ROBO1: variants seen among roughly 807,000 people sequenced by gnomAD.
ROBO1 encodes the protein roundabout homolog 1.
ROBO1 carries 149 observed loss-of-function variants against 195.9 expected under a neutral mutation model. The observed-to-expected ratio is 0.76, with a 90% CI of 0.67 to 0.87. The LOEUF is 0.87. Ranked by LOEUF, ROBO1 falls within the 40% of genes least tolerant of loss-of-function variation. The pLI, the probability that ROBO1 is intolerant of heterozygous loss-of-function variation, is 0.00. For missense variants in ROBO1, 1,933 were observed against 2,068.3 expected, an observed-to-expected ratio of 0.93 and a Z score of 1.27; for synonymous variants, 816 against 733.2, an observed-to-expected ratio of 1.11 and a Z score of -1.82.
At chr3:78,957,566 C>A (rs1015165095) in intron 3 of ROBO1, among the ~76,000 whole-genome samples, 4 of 152,058 alleles carry the variant, frequency 2.6e-5, no homozygotes, top group Admixed American at 2.6e-4. Context: ...CAAATGCCTT[C>A]GACAAAAATA....
At chr3:79,489,788 T>C (rs1939359494) in intron 2 of ROBO1, among the ~76,000 whole-genome samples, 1 of 152,226 alleles carries the variant, frequency 6.6e-6, no homozygotes, top group Admixed American at 6.5e-5. Flanking sequence ...GCTGTCTTTT[T>C]TTCCCTGATA....
At chr3:79,677,999 A>AT (rs1560092681) in intron 1 of ROBO1, among the ~76,000 whole-genome samples, 2 of 152,122 alleles carry the variant, frequency 1.3e-5, no homozygotes, top group Non-Finnish European at 1.5e-5. Context: ...AGAGTTATAT[A>AT]TGAAATATTT....
intron 27 of ROBO1, among the ~76,000 whole-genome samples, chr3:78,615,165 C>G (rs1016945359): frequency 2.6e-5 from 4 of 152,008 alleles, no homozygotes; most frequent in African/African-American, 9.7e-5. Flanking sequence ...ATAATATAGC[C>G]AATGTTTGTT....
chr3:79,164,748 C>T (rs2081032420), intron 2 of ROBO1, among the ~76,000 whole-genome samples: 1 of 152,124 alleles, frequency 6.6e-6, no homozygotes, highest in Admixed American at 6.5e-5. Flanking sequence ...CTGCCTATTG[C>T]CTCTCTGATC....
chr3:79,431,563 A>C lies in ROBO1; in HGVS notation c.88+158261T>G, dbSNP rs540108629. On this transcript the variant is annotated intron_variant, in intron 2 of 30. Coordinates refer to ENST00000464233, the MANE Select transcript of ROBO1 (RefSeq NM_002941.4). Reference sequence around the variant, plus strand: ...AGAATAAAAGGTGGAAATTAGACAGATTCAGAAGACAAAAACATGGTACAG... The same window carrying C: ...AGAATAAAAGGTGGAAATTAGACAGCTTCAGAAGACAAAAACATGGTACAG... 3.3e-4 allele frequency among the ~76,000 whole-genome samples: 50 copies of C among 152,282 alleles called. 1 individual carries two copies. Among genetic ancestry groups the C allele is most frequent in the Middle Eastern group, 3.4e-3 (1 of 294 alleles).
At chr3:78,802,510 A>G (rs572798241) in intron 4 of ROBO1, among the ~76,000 whole-genome samples, 1 of 152,150 alleles carries the variant, frequency 6.6e-6, no homozygotes, top group Admixed American at 6.5e-5. Context: ...TATGTAACCA[A>G]GATACATCTA....
chr3:79,633,121 C>T (rs969752512), intron 1 of ROBO1, among the ~76,000 whole-genome samples: 18 of 150,516 alleles, frequency 1.2e-4, no homozygotes, highest in South Asian at 2.1e-4. Context: ...TAGAAAGTTT[C>T]GTATAGAAAC....
At chr3:79,172,703 C>T (rs1285647892) in intron 2 of ROBO1, among the ~76,000 whole-genome samples, 1 of 151,652 alleles carries the variant, frequency 6.6e-6, no homozygotes, top group Non-Finnish European at 1.5e-5. Context: ...TTCCCTTCTA[C>T]TGTGTCTACC....
chr3:79,491,082 T>C (rs569946625), intron 2 of ROBO1, among the ~76,000 whole-genome samples: 83 of 152,202 alleles, frequency 5.5e-4, no homozygotes, highest in African/African-American at 1.8e-3. Flanking sequence ...ATTTATTGTG[T>C]TGTGCAGGAG....
intron 1 of ROBO1, among the ~76,000 whole-genome samples, chr3:79,620,437 T>A (rs35213031): frequency 1.3e-5 from 2 of 151,918 alleles, no homozygotes; most frequent in African/African-American, 4.8e-5. Context: ...CCCCTTTCCC[T>A]TGCCTCCATA....
intron 1 of ROBO1, among the ~76,000 whole-genome samples, chr3:79,630,107 CA>C (rs762351506): frequency 2.6e-5 from 4 of 151,736 alleles, no homozygotes; most frequent in Non-Finnish European, 5.9e-5. Flanking sequence ...AACAAACAAA[CA>C]AGAAGGAGGA....
At chr3:79,323,555 T>C (rs1407506534) in intron 2 of ROBO1, among the ~76,000 whole-genome samples, 7 of 152,234 alleles carry the variant, frequency 4.6e-5, no homozygotes, top group African/African-American at 1.7e-4. Context: ...ATATCATCAA[T>C]TCTGAAGCCA....
intron 4 of ROBO1, among the ~76,000 whole-genome samples, chr3:78,826,221 A>T: frequency 6.6e-6 from 1 of 152,356 alleles, no homozygotes; most frequent in East Asian, 1.9e-4. Context: ...TTACTCCTTT[A>T]GTCTCATGTA....
chr3:78,733,363 C>T (rs751411903), intron 5 of ROBO1, among the ~76,000 whole-genome samples: 1 of 151,650 alleles, frequency 6.6e-6, no homozygotes, highest in African/African-American at 2.4e-5. Flanking sequence ...TTTACAATAT[C>T]TTGTAAAATC....
chr3:79,513,121 A>T (rs1940789615), intron 2 of ROBO1, among the ~76,000 whole-genome samples: 1 of 152,158 alleles, frequency 6.6e-6, no homozygotes, highest in Admixed American at 6.5e-5. Flanking sequence ...AATAGCCAAA[A>T]GGAAATATCA....
intron 4 of ROBO1, among the ~76,000 whole-genome samples, chr3:78,907,798 T>C (rs2038012823): frequency 1.3e-5 from 2 of 152,050 alleles, no homozygotes; most frequent in African/African-American, 4.8e-5. Context: ...GTGAATTATA[T>C]GGGAAAACAG....
intron 2 of ROBO1, among the ~76,000 whole-genome samples, chr3:79,356,140 A>G (rs907087914): frequency 6.6e-6 from 1 of 152,152 alleles, no homozygotes; most frequent in African/African-American, 2.4e-5. Flanking sequence ...CAGAAGTTCC[A>G]GACTAGCCTG....
intron 14 of ROBO1, among the ~76,000 whole-genome samples, chr3:78,665,322 G>T (rs1421323199): frequency 6.6e-6 from 1 of 152,066 alleles, no homozygotes; most frequent in Non-Finnish European, 1.5e-5. Context: ...GTTCAGATGG[G>T]TGTTTTATTT....
chr3:79,583,364 C>A (rs901631691), intron 2 of ROBO1, among the ~76,000 whole-genome samples: 3 of 151,836 alleles, frequency 2.0e-5, no homozygotes, highest in Non-Finnish European at 4.4e-5. Context: ...GGAAATGTGT[C>A]TAAGGGTGGA....
Sources: gnomAD v4.1 joint callset for allele counts (sites outside exome capture counted in the v4.1 genomes callset) on GRCh38, gnomAD v4.1.1 for gene constraint, MANE v1.5 for transcripts, NCBI Gene and HGNC (gene_info 2026-07-23, HGNC 2026-07-21) for gene names.